SNX30: variants seen among roughly 807,000 people sequenced by gnomAD.
SNX30 encodes sorting nexin family member 30.
A neutral mutation model predicts 46.4 loss-of-function variants in SNX30; 24 were observed. That is an observed-to-expected ratio of 0.52 (90% CI 0.37 to 0.73). The LOEUF is 0.73. Among genes scored for constraint, SNX30 ranks in the 30% least tolerant of loss-of-function variants. The pLI is 0.00. For synonymous variants in SNX30, 189 were observed against 211.5 expected, an observed-to-expected ratio of 0.89 and a Z score of 0.92; for missense variants, 533 against 555.7, an observed-to-expected ratio of 0.96 and a Z score of 0.41.
intron 7 of SNX30, among the ~76,000 whole-genome samples, chr9:112,858,337 A>T (rs1189263895): frequency 6.6e-6 from 1 of 152,136 alleles, no homozygotes; most frequent in Non-Finnish European, 1.5e-5. Context: ...CAAGGTAGCA[A>T]GACCTCGCCT....
At chr9:112,850,632 G>A (rs549082227) in intron 6 of SNX30, among the ~76,000 whole-genome samples, 2 of 152,334 alleles carry the variant, frequency 1.3e-5, no homozygotes, top group African/African-American at 4.8e-5. Flanking sequence ...TCAGGTTTTA[G>A]TTACTTTACT....
chr9:112,786,062 C>G (rs1189500898), intron 1 of SNX30, among the ~76,000 whole-genome samples: 1 of 151,938 alleles, frequency 6.6e-6, no homozygotes, highest in South Asian at 2.1e-4. Flanking sequence ...CCCCAAGCCT[C>G]TCCATACAGA....
At chr9:112,759,246 C>G (rs895879397) in intron 1 of SNX30, among the ~76,000 whole-genome samples, 1 of 152,136 alleles carries the variant, frequency 6.6e-6, no homozygotes, top group South Asian at 2.1e-4. Context: ...ACTTCCTGAC[C>G]TCTGACATAC....
intron 5 of SNX30, among the ~76,000 whole-genome samples, chr9:112,836,694 TA>T (rs754315287): frequency 2.2e-4 from 33 of 152,352 alleles, no homozygotes; most frequent in Non-Finnish European, 4.0e-4. Context: ...ACTTTAGCTT[TA>T]AAAGTGGAGA....
chr9:112,766,950 T>C (rs574250826), intron 1 of SNX30, among the ~76,000 whole-genome samples: 15 of 152,338 alleles, frequency 9.8e-5, no homozygotes, highest in African/African-American at 3.6e-4. Context: ...AGACCTTCTT[T>C]TGGATATGGA....
chr9:112,830,927 T>G (rs529594543), intron 4 of SNX30, 44 bp downstream of exon 4: 1 of 1,543,924 alleles, frequency 6.5e-7, no homozygotes, highest in East Asian at 2.3e-5. Flanking sequence ...ATTACCATTC[T>G]TGGGGCTCTT....
At position 112,838,684 on chromosome 9, in the gene SNX30, C is replaced by G; in HGVS notation, c.1001C>G (p.Ser334Cys). The G allele has an allele frequency of 1.9e-6, 3 of 1,613,916 alleles. No individual in the cohort carries two copies. Among genetic ancestry groups the G allele is most frequent in the Non-Finnish European group, 2.5e-6 (3 of 1,179,874 alleles). ...GTGCTCAGGGAATATATTTTATACTCTGACTCCATGAAGGTAAGCTGGCTT... is the reference window on the plus strand; with the variant it reads ...GTGCTCAGGGAATATATTTTATACTGTGACTCCATGAAGGTAAGCTGGCTT... ...LPVLREYILYSDSMKSVLKKR... is the reference protein window; with the variant it reads ...LPVLREYILYCDSMKSVLKKR... The change falls in exon 6 of 9, where the codon TCT (serine) becomes TGT (cysteine). Residue 334 changes from serine to cysteine, a missense_variant. Physicochemically the swap from Ser to Cys is moderately radical, Grantham distance 112. Coordinates refer to ENST00000374232, the MANE Select transcript of SNX30 (RefSeq NM_001012994.2).
At chr9:112,790,720 A>G (rs772491158) in intron 1 of SNX30, among the ~76,000 whole-genome samples, 7 of 152,250 alleles carry the variant, frequency 4.6e-5, no homozygotes, top group Non-Finnish European at 7.3e-5. Flanking sequence ...TCTACCATAT[A>G]GTCTTTGTCC....
At chr9:112,836,653 C>T (rs910099530) in intron 5 of SNX30, among the ~76,000 whole-genome samples, 6 of 152,200 alleles carry the variant, frequency 3.9e-5, no homozygotes, top group Non-Finnish European at 7.3e-5. Context: ...ACTGCTGATT[C>T]GCCAGGTGTT....
Position 112,868,862 on chromosome 9 carries a change from A to T in SNX30, c.*19A>T. 1 of 1,613,348 alleles carries T rather than the reference A, an allele frequency of 6.2e-7. No homozygotes were observed. Among genetic ancestry groups the T allele is most frequent in the Non-Finnish European group, 8.5e-7 (1 of 1,179,324 alleles). ...CAAGTAAAGTTCTTTCTTGGGACGG[A>T]GACTCTTCTACCTACACAGGGCCTG... On this transcript the variant is annotated 3_prime_UTR_variant, in exon 9 of 9. Transcript: ENST00000374232.
intron 4 of SNX30, among the ~76,000 whole-genome samples, chr9:112,834,882 A>ACACACACACACC (rs56385707): frequency 0.017 from 1,746 of 105,242 alleles, 40 homozygotes; most frequent in Middle Eastern, 0.042. Flanking sequence ...ACACACACAC[A>ACACACACACACC]CCTACCTCAA....
At chr9:112,864,478 G>A in intron 8 of SNX30, 79 bp downstream of exon 8, 2 of 1,559,932 alleles carry the variant, frequency 1.3e-6, no homozygotes, top group Non-Finnish European at 1.8e-6. Context: ...CACAAGCTGG[G>A]AATCCTGCTA....
intron 2 of SNX30, among the ~76,000 whole-genome samples, chr9:112,809,930 G>A (rs1037077595): frequency 3.9e-5 from 6 of 152,118 alleles, no homozygotes; most frequent in South Asian, 4.1e-4. Flanking sequence ...TGCCAGTTGC[G>A]CAGTATTGGT....
intron 3 of SNX30, among the ~76,000 whole-genome samples, chr9:112,820,392 T>C (rs1840473508): frequency 6.6e-6 from 1 of 152,210 alleles, no homozygotes; most frequent in African/African-American, 2.4e-5. Flanking sequence ...CTGTCTGTTA[T>C]TTAAGTGTCA....
chr9:112,770,083 A>G (rs1273521627), intron 1 of SNX30, among the ~76,000 whole-genome samples: 1 of 152,044 alleles, frequency 6.6e-6, no homozygotes, highest in Non-Finnish European at 1.5e-5. Flanking sequence ...TCCCACCTTC[A>G]GTCATATATC....
chr9:112,797,799 T>G (rs1168730345), intron 1 of SNX30, among the ~76,000 whole-genome samples: 1 of 146,994 alleles, frequency 6.8e-6, no homozygotes, highest in African/African-American at 2.5e-5. Flanking sequence ...AACCTCTGCC[T>G]GCCGGGGTTC....
chr9:112,806,434 A>G (rs1840225154), intron 2 of SNX30, among the ~76,000 whole-genome samples: 1 of 152,190 alleles, frequency 6.6e-6, no homozygotes, highest in Non-Finnish European at 1.5e-5. Context: ...TATTTTTGGA[A>G]CCTTTAATAG....
downstream of SNX30, chr9:112,877,198 A>T (rs1841528205): frequency 6.6e-6 from 1 of 152,158 alleles, no homozygotes; most frequent in Admixed American, 6.5e-5. Context: ...AAAAGCTGAC[A>T]AGGTTTGAAA....
At chr9:112,804,426 A>G (rs955708819) in intron 1 of SNX30, among the ~76,000 whole-genome samples, 17 of 152,124 alleles carry the variant, frequency 1.1e-4, no homozygotes, top group Admixed American at 1.1e-3. Flanking sequence ...CGGCCTCCCA[A>G]AGTGCTGGGA....
Sources: allele counts gnomAD v4.1 joint callset (sites outside exome capture counted in the v4.1 genomes callset), GRCh38; gene constraint gnomAD v4.1.1; transcripts MANE v1.5; gene names NCBI Gene and HGNC (gene_info 2026-07-23, HGNC 2026-07-21).